FREM2: variants seen among roughly 807,000 people sequenced by gnomAD.
FREM2 encodes FRAS1 related extracellular matrix 2, also known as FRAS1-related extracellular matrix protein 2.
Under a neutral mutation model 219.9 loss-of-function variants are expected in FREM2, and 119 were observed. The observed-to-expected ratio is 0.54, with a 90% CI of 0.47 to 0.63. The LOEUF is 0.63. Among genes scored for constraint, FREM2 ranks in the 30% least tolerant of loss-of-function variants. The pLI, the probability that FREM2 is intolerant of heterozygous loss-of-function variation, is 0.00. For missense variants in FREM2, 4,030 were observed against 3,993.6 expected (o/e 1.01, Z -0.25); for synonymous variants, 1,562 against 1,522.8 (o/e 1.03, Z -0.60).
Position 38,690,615 on chromosome 13 carries a change from A to C in FREM2, c.3271A>C (p.Ser1091Arg). ...DKSVITSVHI[S>R]AEDVDSLNDD... ...AAGTGTTATAACATCAGTGCATATA[A>C]GTGCTGAAGATGTCGACTCCCTGAA... Residue 1091 changes from serine (S) to arginine (R), a missense_variant, in exon 1 of 24, where the codon AGT becomes CGT. Around this residue, in one of 2 missense-constraint regions of FREM2, gnomAD observed 3,102 missense variants for 2,950.7 expected, o/e 1.05. Coordinates refer to ENST00000280481, the MANE Select transcript of FREM2 (RefSeq NM_207361.6). 6.2e-7 allele frequency: 1 copy of C among 1,613,994 alleles called. No individual in the cohort carries two copies. The highest frequency in any genetic ancestry group is 8.5e-7 in the Non-Finnish European group (1 of 1,180,016).
chr13:38,824,893 T>C (rs754726797), intron 6 of FREM2, among the ~76,000 whole-genome samples: 2 of 151,884 alleles, frequency 1.3e-5, no homozygotes, highest in Non-Finnish European at 2.9e-5. Flanking sequence ...GGAAGGACGG[T>C]TTTCATTTAA....
At chr13:38,860,521 A>G (rs1372360141) in intron 14 of FREM2, among the ~76,000 whole-genome samples, 3 of 152,220 alleles carry the variant, frequency 2.0e-5, no homozygotes, top group African/African-American at 7.2e-5. Flanking sequence ...TGTGACTACT[A>G]TATATTCAGG....
intron 4 of FREM2, among the ~76,000 whole-genome samples, chr13:38,781,971 C>T (rs1874135456): frequency 6.6e-6 from 1 of 152,102 alleles, no homozygotes; most frequent in Admixed American, 6.5e-5. Context: ...AAACGCCTGG[C>T]CCACTCTGCT....
chr13:38,872,631 A>T, intron 16 of FREM2, 111 bp from the exon 17 acceptor site: 1 of 867,934 alleles, frequency 1.2e-6, no homozygotes, highest in Non-Finnish European at 1.9e-6. Flanking sequence ...TCCTCTTCTC[A>T]ATGATTACTC....
intron 2 of FREM2, among the ~76,000 whole-genome samples, chr13:38,751,288 C>T (rs527491702): frequency 6.6e-6 from 1 of 151,188 alleles, no homozygotes; most frequent in Admixed American, 6.6e-5. Context: ...TCCCTTTTCT[C>T]CACATCCTTG....
At chr13:38,754,891 TG>T (rs1566129673) in intron 2 of FREM2, among the ~76,000 whole-genome samples, 13 of 118,446 alleles carry the variant, frequency 1.1e-4, no homozygotes, top group African/African-American at 2.3e-4. Flanking sequence ...ATGATGATGA[TG>T]ATGATGATGA....
At chr13:38,778,669 A>C (rs1873978881) in intron 4 of FREM2, among the ~76,000 whole-genome samples, 2 of 152,162 alleles carry the variant, frequency 1.3e-5, no homozygotes, top group Non-Finnish European at 2.9e-5. Flanking sequence ...CGGAGGAAGA[A>C]GATCAGGAAA....
At chr13:38,703,451 G>T (rs1331376521) in intron 2 of FREM2, among the ~76,000 whole-genome samples, 8 of 152,124 alleles carry the variant, frequency 5.3e-5, no homozygotes, top group Non-Finnish European at 1.2e-4. Context: ...AGACCACAAG[G>T]TCTACTAGAA....
At position 38,690,043 on chromosome 13, in the gene FREM2, T is replaced by C. The variant is rs1388424770; in HGVS notation, c.2699T>C (p.Val900Ala). ...FHLEDIKQGR[V>A]SYAHNGDKSL... ...TTGGAGGACATAAAACAGGGCCGAG[T>C]TTCCTATGCCCATAATGGGGACAAG... Residue 900 changes from valine to alanine, a missense_variant, in exon 1 of 24, where the codon GTT (valine) becomes GCT (alanine). This residue lies in a region of FREM2 where 3,102 missense variants were observed against 2,950.7 expected (regional missense o/e 1.05). Transcript: ENST00000280481. 6.2e-7 allele frequency: 1 copy of C among 1,613,768 alleles called. No individual in the cohort carries two copies. Among genetic ancestry groups the C allele is most frequent in the Admixed American group, 1.7e-5 (1 of 60,010 alleles).
At chr13:38,718,342 A>G (rs558157438) in intron 2 of FREM2, among the ~76,000 whole-genome samples, 3 of 152,326 alleles carry the variant, frequency 2.0e-5, no homozygotes, top group African/African-American at 7.2e-5. Context: ...AGGGGTGAAA[A>G]GGTGTTTCTG....
intron 6 of FREM2, among the ~76,000 whole-genome samples, chr13:38,810,564 A>G (rs964879010): frequency 7.2e-5 from 11 of 152,056 alleles, no homozygotes; most frequent in Non-Finnish European, 1.3e-4. Flanking sequence ...TTCAGCATCA[A>G]TTGAAAAAAA....
chr13:38,873,154 A>G (rs919601926), intron 17 of FREM2, among the ~76,000 whole-genome samples: 3 of 152,288 alleles, frequency 2.0e-5, no homozygotes, highest in African/African-American at 7.2e-5. Context: ...ATATGACTTT[A>G]TATATTTCAT....
chr13:38,746,484 CA>C (rs1273516555), intron 2 of FREM2, among the ~76,000 whole-genome samples: 1 of 152,102 alleles, frequency 6.6e-6, no homozygotes, highest in Non-Finnish European at 1.5e-5. Context: ...GTGACAGAGC[CA>C]GTGGGTGGGA....
chr13:38,717,276 T>C (rs920077592), intron 2 of FREM2, among the ~76,000 whole-genome samples: 1 of 152,096 alleles, frequency 6.6e-6, no homozygotes, highest in African/African-American at 2.4e-5. Context: ...AACAGCTCTT[T>C]CCACATGGAA....
rs1047444835 is a variant in FREM2 at position 38,856,054 on chromosome 13, A to C, written c.6926-72A>C. On this transcript the variant is annotated intron_variant, in intron 11 of 23. Coordinates refer to ENST00000280481, the MANE Select transcript of FREM2 (RefSeq NM_207361.6). ...TCATTGTAGGCCACAGTAAAAAAAAAAAAAAAAAAAAAATAGAAAACTTCT... is the reference window on the plus strand; with the variant it reads ...TCATTGTAGGCCACAGTAAAAAAAACAAAAAAAAAAAAATAGAAAACTTCT... 3.5e-5 allele frequency: 38 copies of C among 1,084,150 alleles called. No homozygotes were observed. In the Admixed American group the frequency reaches 3.8e-4, roughly 11 times the overall value. The allele number at this position is 1,084,150 out of a possible 1,614,324, so 67.2% of individuals were successfully genotyped here.
intron 6 of FREM2, among the ~76,000 whole-genome samples, chr13:38,816,367 T>G (rs1395201563): frequency 6.6e-6 from 1 of 152,192 alleles, no homozygotes. Flanking sequence ...AACAGCATAT[T>G]AAACAAATCA....
intron 2 of FREM2, among the ~76,000 whole-genome samples, chr13:38,729,952 C>T (rs1871698347): frequency 6.6e-6 from 1 of 152,160 alleles, no homozygotes; most frequent in South Asian, 2.1e-4. Flanking sequence ...CAGAATAAAG[C>T]TACACTCTAT....
intron 6 of FREM2, among the ~76,000 whole-genome samples, chr13:38,814,127 C>G (rs972749155): frequency 6.6e-6 from 1 of 152,126 alleles, no homozygotes; most frequent in African/African-American, 2.4e-5. Flanking sequence ...CTTCAAGTCT[C>G]TTCAAAATAG....
chr13:38,731,925 C>T (rs1296007349), intron 2 of FREM2, among the ~76,000 whole-genome samples: 1 of 152,102 alleles, frequency 6.6e-6, no homozygotes, highest in East Asian at 1.9e-4. Flanking sequence ...AAAGAAATCC[C>T]ATGAATGAAC....
Sources: gnomAD v4.1 joint callset for allele counts (sites outside exome capture counted in the v4.1 genomes callset) on GRCh38, gnomAD v4.1.1 for gene constraint, gnomAD v4.1.1 regional missense constraint, MANE v1.5 for transcripts, NCBI Gene and HGNC (gene_info 2026-07-23, HGNC 2026-07-21) for gene names.